Variants in SYNE2 observed in about 807,000 individuals in gnomAD.
SYNE2 encodes the protein nesprin-2.
Under a neutral mutation model 856.3 loss-of-function variants are expected in SYNE2, and 431 were observed. That is an observed-to-expected ratio of 0.50 (90% CI 0.47 to 0.55). SYNE2 has a LOEUF of 0.55. Ranked by LOEUF, SYNE2 falls within the 20% of genes least tolerant of loss-of-function variation. The pLI, the probability that SYNE2 is intolerant of heterozygous loss-of-function variation, is 0.00. For synonymous variants in SYNE2, 2,923 were observed against 2,872.3 expected (o/e 1.02, Z -0.56); for missense variants, 8,129 against 8,023.2 (o/e 1.01, Z -0.50).
intron 10 of SYNE2, 44 bp from the exon 11 acceptor site, chr14:63,967,663 ATG>A: frequency 6.3e-7 from 1 of 1,587,688 alleles, no homozygotes; most frequent in Non-Finnish European, 8.6e-7. Flanking sequence ...TATGATATAA[ATG>A]GAATTAAACA....
At chr14:64,152,920 C>T (rs2098255595) in intron 85 of SYNE2, among the ~76,000 whole-genome samples, 1 of 152,224 alleles carries the variant, frequency 6.6e-6, no homozygotes, top group African/African-American at 2.4e-5. Flanking sequence ...CCAATTCCAA[C>T]GTCATTGACA....
chr14:63,982,583 G>T, intron 16 of SYNE2, 47 bp from the exon 17 acceptor site: 15 of 1,430,264 alleles, frequency 1.0e-5, no homozygotes, highest in African/African-American at 2.9e-5. Context: ...ATAATAGAAA[G>T]ACAATATCGT....
At chr14:64,156,717 C>T (rs892597994) in intron 85 of SYNE2, among the ~76,000 whole-genome samples, 8 of 152,186 alleles carry the variant, frequency 5.3e-5, no homozygotes, top group Admixed American at 5.2e-4. Flanking sequence ...CCTTGGCCTC[C>T]CAAAGTGCTG....
intron 1 of SYNE2, among the ~76,000 whole-genome samples, chr14:63,816,402 CTG>C (rs1566586112): frequency 6.6e-6 from 1 of 152,140 alleles, no homozygotes; most frequent in African/African-American, 2.4e-5. Flanking sequence ...AGCTTTTGGA[CTG>C]TGAAATTTCT....
In SYNE2 at chr14:64,020,113, A is replaced by T; in HGVS notation, c.5151+20A>T. On this transcript the variant is annotated intron_variant, in intron 35 of 115. Transcript: ENST00000555002. Reference sequence around the variant, plus strand: ...TTGCAGGTAAGAATTTTTATTTAAAAGTTTCAGTTATTGAGGCTTCAGTAA... The same window carrying T: ...TTGCAGGTAAGAATTTTTATTTAAATGTTTCAGTTATTGAGGCTTCAGTAA... 1 of 1,538,258 alleles carries T rather than the reference A, an allele frequency of 6.5e-7. No homozygotes were observed.
At chr14:63,863,917 C>T (rs1476563257) in intron 1 of SYNE2, among the ~76,000 whole-genome samples, 2 of 152,094 alleles carry the variant, frequency 1.3e-5, no homozygotes, top group Admixed American at 1.3e-4. Context: ...CTCCACCTCC[C>T]GGGTTCAAGC....
intron 45 of SYNE2, among the ~76,000 whole-genome samples, chr14:64,040,597 A>AATATATAT (rs3031304): frequency 1.3e-4 from 18 of 142,534 alleles, no homozygotes; most frequent in African/African-American, 3.6e-4. Flanking sequence ...TGAGGTTAAA[A>AATATATAT]ATATATATAT....
chr14:63,796,166 G>A (rs982238583), intron 1 of SYNE2, among the ~76,000 whole-genome samples: 4 of 152,146 alleles, frequency 2.6e-5, no homozygotes, highest in African/African-American at 4.8e-5. Context: ...TAAATCAAAT[G>A]TTGATGATAT....
chr14:64,070,673 A>C lies in SYNE2; in HGVS notation c.10460A>C (p.Asn3487Thr), dbSNP rs776293614. Residue 3487 changes from asparagine (N) to threonine (T), a missense_variant, in exon 52 of 116, where the codon AAT becomes ACT. Transcript: ENST00000555002. ...EIEREAIILD[N>T]LQEELPEISK... ...GAACGAGAGGCAATTATTTTAGATAATCTTCAGGAAGAACTCCCTGAAATT... is the reference window on the plus strand; with the variant it reads ...GAACGAGAGGCAATTATTTTAGATACTCTTCAGGAAGAACTCCCTGAAATT... 10 of 1,613,608 alleles carry C rather than the reference A, an allele frequency of 6.2e-6. No homozygotes were observed. The Admixed American group carries it at 6.7e-5, about 11-fold the overall frequency.
At chr14:63,936,523 G>C (rs1055721099) in intron 2 of SYNE2, among the ~76,000 whole-genome samples, 2 of 152,140 alleles carry the variant, frequency 1.3e-5, no homozygotes, top group African/African-American at 4.8e-5. Flanking sequence ...GATAACAGTA[G>C]AAAGAACATT....
In SYNE2 at chr14:64,113,553, G is replaced by A; in HGVS notation, c.12822G>A (p.Gln4274=). ...CAGACATGCAGCAGGTGCTGGAACAGCAGCTGGTAGGGTGCCAGGTAAGAC... is the reference window on the plus strand; with the variant it reads ...CAGACATGCAGCAGGTGCTGGAACAACAGCTGGTAGGGTGCCAGGTAAGAC... ...LNADMQQVLE[Q]QLVGCQAMLT... The change falls in exon 66 of 116, where the codon CAG becomes CAA. Residue 4274 remains glutamine, a synonymous_variant. Coordinates refer to ENST00000555002, the MANE Select transcript of SYNE2 (RefSeq NM_182914.3). 3.1e-6 allele frequency: 5 copies of A among 1,609,936 alleles called. No homozygotes were observed. The highest frequency in any genetic ancestry group is 4.2e-6 in the Non-Finnish European group (5 of 1,178,014).
At chr14:63,916,930 T>TA (rs960707813) in intron 2 of SYNE2, among the ~76,000 whole-genome samples, 175 of 148,284 alleles carry the variant, frequency 1.2e-3, no homozygotes, top group Non-Finnish European at 1.5e-3. Flanking sequence ...CCACAAAAAA[T>TA]AAAAAAAAAA....
chr14:63,854,399 T>A (rs1891219351), intron 1 of SYNE2, among the ~76,000 whole-genome samples: 1 of 152,172 alleles, frequency 6.6e-6, no homozygotes, highest in South Asian at 2.1e-4. Context: ...TTTTATGGGA[T>A]GAATATTTGG....
intron 1 of SYNE2, among the ~76,000 whole-genome samples, chr14:63,785,485 A>C (rs1035759985): frequency 3.9e-5 from 6 of 152,008 alleles, no homozygotes; most frequent in Non-Finnish European, 5.9e-5. Context: ...AACAAACAAA[A>C]AAAACACCTG....
intron 1 of SYNE2, among the ~76,000 whole-genome samples, chr14:63,782,291 T>C (rs1286374974): frequency 2.0e-5 from 3 of 151,832 alleles, no homozygotes; most frequent in Non-Finnish European, 4.4e-5. Flanking sequence ...CTGGCTAAAA[T>C]GGTGAAACCC....
At chr14:64,005,051 C>CA (rs1273877326) in intron 30 of SYNE2, among the ~76,000 whole-genome samples, 2 of 152,062 alleles carry the variant, frequency 1.3e-5, no homozygotes, top group Non-Finnish European at 2.9e-5. Context: ...GCAGTAGGTA[C>CA]AAGGGTCGGG....
intron 99 of SYNE2, among the ~76,000 whole-genome samples, chr14:64,196,375 CATT>C (rs1305934600): frequency 2.4e-4 from 36 of 152,190 alleles, no homozygotes; most frequent in African/African-American, 8.7e-4. Flanking sequence ...TTTTCAGACA[CATT>C]ATGGTAAACC....
At chr14:64,055,840 A>AAAAT in intron 48 of SYNE2, 104 bp from the exon 49 acceptor site, 1 of 467,936 alleles carries the variant, frequency 2.1e-6, no homozygotes, top group Admixed American at 4.4e-5. Flanking sequence ...AATAATAAAA[A>AAAAT]AAGACTCAGA....
intron 65 of SYNE2, among the ~76,000 whole-genome samples, chr14:64,108,821 T>TTAGG (rs756546020): frequency 2.7e-5 from 4 of 147,334 alleles, no homozygotes; most frequent in Non-Finnish European, 4.6e-5. Flanking sequence ...GTGGCAATGC[T>TTAGG]TAGGTCTAAG....
Sources: gnomAD v4.1 joint callset for allele counts (sites outside exome capture counted in the v4.1 genomes callset) on GRCh38, gnomAD v4.1.1 for gene constraint, MANE v1.5 for transcripts, NCBI Gene and HGNC (gene_info 2026-07-23, HGNC 2026-07-21) for gene names.